KRT222: variants seen among roughly 807,000 people sequenced by gnomAD.
KRT222 encodes the protein keratin-like protein KRT222.
In KRT222, 23 loss-of-function variants were observed where a neutral mutation model predicts 35.0. That is an observed-to-expected ratio of 0.66 (90% CI 0.47 to 0.93). KRT222 has a LOEUF of 0.93. KRT222 is among the 40% of genes least tolerant of loss of function. The pLI is 0.00. For synonymous variants in KRT222, 108 were observed against 118.8 expected, an observed-to-expected ratio of 0.91 and a Z score of 0.59; for missense variants, 339 against 346.3, an observed-to-expected ratio of 0.98 and a Z score of 0.17.
chr17:40,662,019 A>T lies in KRT222; in HGVS notation c.122T>A (p.Met41Lys). Residue 41 changes from methionine to lysine, a missense_variant, in exon 2 of 6, where the codon ATG (methionine) becomes AAG (lysine). Met to Lys is a moderately conservative substitution (Grantham distance 95). Transcript: ENST00000394052. ...IQLEEDISKK[M>K]DKDEEALKAA... ...CTTCAAAGCCTCTTCATCTTTGTCC[A>T]TTTTTTTGCTTATGTCTTCTTCTAG... 1 of 1,613,894 alleles carries T rather than the reference A, an allele frequency of 6.2e-7. No individual in the cohort carries two copies.
rs980878777 is a variant in KRT222, at chr17:40,660,140, T to C, written c.293A>G (p.Glu98Gly). 4 of 1,614,176 alleles carry C rather than the reference T, an allele frequency of 2.5e-6. No individual in the cohort carries two copies. The Admixed American group carries it at 5.0e-5, about 20-fold the overall frequency. Residue 98 changes from glutamate to glycine, a missense_variant, in exon 3 of 6, where the codon GAG becomes GGG. Glu to Gly is a moderately conservative substitution (Grantham distance 98). Coordinates refer to ENST00000394052, the MANE Select transcript of KRT222 (RefSeq NM_152349.3). ...QHYQMQLQDL[E>G]TVIEGLEKEL... ...TTTTTCTAGTCCTTCAATCACAGTC[T>C]CTAGGTCTTGCAGCTGCATCTGGTA...
intron 3 of KRT222, among the ~76,000 whole-genome samples, chr17:40,658,450 A>T (rs1433779474): frequency 6.6e-6 from 1 of 151,746 alleles, no homozygotes; most frequent in Non-Finnish European, 1.5e-5. Context: ...TATATACATG[A>T]TATGTATACA....
intron 3 of KRT222, among the ~76,000 whole-genome samples, chr17:40,659,440 G>A (rs2037367954): frequency 6.6e-6 from 1 of 152,168 alleles, no homozygotes; most frequent in African/African-American, 2.4e-5. Flanking sequence ...CTCCCGAAGT[G>A]CTGAGATTAC....
chr17:40,662,199 A>G, intron 1 of KRT222, 155 bp from the exon 2 acceptor site: 2 of 811,768 alleles, frequency 2.5e-6, no homozygotes, highest in Non-Finnish European at 3.7e-6. Flanking sequence ...TGCCTAGTTA[A>G]CTAATTAAAT....
chr17:40,662,726 T>C (rs888696160), intron 1 of KRT222, among the ~76,000 whole-genome samples: 13 of 152,190 alleles, frequency 8.5e-5, no homozygotes, highest in African/African-American at 3.1e-4. Flanking sequence ...AATATTCTCC[T>C]ATTAAAAAAG....
At chr17:40,660,511 C>T (rs1024799686) in intron 2 of KRT222, among the ~76,000 whole-genome samples, 1 of 151,846 alleles carries the variant, frequency 6.6e-6, no homozygotes, top group African/African-American at 2.4e-5. Context: ...AAACTCCTGA[C>T]CCTGTGATCC....
Position 40,656,195 on chromosome 17 carries a change from C to G in KRT222, c.*207G>C. 1 of 435,186 alleles carries G rather than the reference C, an allele frequency of 2.3e-6. No individual in the cohort carries two copies. The allele number at this position is 435,186 out of a possible 1,614,324, so 27.0% of individuals were successfully genotyped here. A position where few individuals can be genotyped will look rare whatever the true frequency, so the allele number is the denominator to read the frequency against. On this transcript the variant is annotated 3_prime_UTR_variant, in exon 6 of 6. Coordinates refer to ENST00000394052, the MANE Select transcript of KRT222 (RefSeq NM_152349.3). ...ATTTTATTTTTAAGCTACTCCCTCT[C>G]ATTCATATATATATATATATGTCTA... is the stretch of plus-strand genomic sequence containing the variant.
At chr17:40,663,286 C>T (rs529498485) in intron 1 of KRT222, among the ~76,000 whole-genome samples, 17 of 152,174 alleles carry the variant, frequency 1.1e-4, no homozygotes, top group Non-Finnish European at 2.4e-4. Context: ...TCCCCTTCTA[C>T]ATTGACTCTG....
rs961911714 is a variant in KRT222 at position 40,654,730 on chromosome 17, T to G, written c.*1672A>C. On this transcript the variant is annotated 3_prime_UTR_variant, in exon 6 of 6. Coordinates refer to ENST00000394052, the MANE Select transcript of KRT222 (RefSeq NM_152349.3). ...AGTACAGTAACTTTAGTACAATAGC[T>G]TATATGATTGCATTTTTAAAGCTTT... The G allele has an allele frequency of 6.6e-6, 1 of 152,052 alleles. No homozygotes were observed. Among genetic ancestry groups the G allele is most frequent in the African/African-American group, 2.4e-5 (1 of 41,414 alleles). 9.4% of individuals were successfully genotyped at this position (152,052 alleles called of 1,614,324 possible). A position where few individuals can be genotyped will look rare whatever the true frequency, so the allele number is the denominator to read the frequency against.
At chr17:40,656,745 T>C in intron 5 of KRT222, 115 bp from the exon 6 acceptor site, 1 of 585,680 alleles carries the variant, frequency 1.7e-6, no homozygotes, top group Non-Finnish European at 3.0e-6. Flanking sequence ...TTATAGTGTA[T>C]AGAATTTATA....
At chr17:40,664,944 T>C (rs751590095) in intron 1 of KRT222, 60 bp downstream of exon 1, 2 of 1,610,932 alleles carry the variant, frequency 1.2e-6, no homozygotes, top group South Asian at 1.1e-5. Flanking sequence ...GGGACAGGAA[T>C]TGGGTAGACA....
Position 40,664,989 on chromosome 17 carries a change from G to C in KRT222, c.96+15C>G. ...TCCTTATTCTGGAAGGTGCCTGTCT[G>C]TATGAAATCATTACCTGGATCCTTG... On this transcript the variant is annotated intron_variant, in intron 1 of 5. Coordinates refer to ENST00000394052, the MANE Select transcript of KRT222 (RefSeq NM_152349.3). 6.2e-7 allele frequency: 1 copy of C among 1,613,856 alleles called. No individual in the cohort carries two copies. Among genetic ancestry groups the C allele is most frequent in the Non-Finnish European group, 8.5e-7 (1 of 1,179,946 alleles).
rs1355350999 is a variant in KRT222 at position 40,655,667 on chromosome 17, G to T, written c.*735C>A. 6.6e-6 allele frequency: 1 copy of T among 151,704 alleles called. No individual in the cohort carries two copies. Among genetic ancestry groups the T allele is most frequent in the African/African-American group, 2.4e-5 (1 of 41,348 alleles). 9.4% of individuals were successfully genotyped at this position (151,704 alleles called of 1,614,324 possible). ...GATTTTTTTTCTTTTTTTGGTGGGG[G>T]ATACAACCTTTAAAGTTCCTTGAGT... is the stretch of plus-strand genomic sequence containing the variant. On this transcript the variant is annotated 3_prime_UTR_variant, in exon 6 of 6. Coordinates refer to ENST00000394052, the MANE Select transcript of KRT222 (RefSeq NM_152349.3).
chr17:40,659,960 T>C (rs1179573562), intron 3 of KRT222, 27 bp downstream of exon 3: 1 of 1,589,392 alleles, frequency 6.3e-7, no homozygotes, highest in East Asian at 2.2e-5. Context: ...TCTGGCCCCT[T>C]GTCATTAACT....
chr17:40,660,670 T>G (rs772538703), intron 2 of KRT222, among the ~76,000 whole-genome samples: 2 of 152,116 alleles, frequency 1.3e-5, no homozygotes, highest in African/African-American at 2.4e-5. Flanking sequence ...CAGCTTTGTG[T>G]GACCCCTAAT....
At chr17:40,657,956 T>C (rs1258817272) in intron 3 of KRT222, among the ~76,000 whole-genome samples, 1 of 152,138 alleles carries the variant, frequency 6.6e-6, no homozygotes, top group African/African-American at 2.4e-5. Flanking sequence ...TTTTATAAAG[T>C]TTAGAATAAT....
At chr17:40,661,532 C>T (rs1349811078) in intron 2 of KRT222, among the ~76,000 whole-genome samples, 1 of 152,202 alleles carries the variant, frequency 6.6e-6, no homozygotes, top group Non-Finnish European at 1.5e-5. Context: ...TCCCAAAGTG[C>T]TGGGATTACA....
At chr17:40,660,277 TC>T in intron 2 of KRT222, 70 bp from the exon 3 acceptor site, 1 of 1,228,732 alleles carries the variant, frequency 8.1e-7, no homozygotes, top group Non-Finnish European at 1.2e-6. Flanking sequence ...ATTTGCAATA[TC>T]TTCATCTTTT....
intron 1 of KRT222, among the ~76,000 whole-genome samples, chr17:40,662,794 A>G (rs1311124911): frequency 2.0e-5 from 3 of 152,210 alleles, no homozygotes. Context: ...ATGAAAAGAA[A>G]GTATCTGTTG....
Sources: allele counts gnomAD v4.1 joint callset (sites outside exome capture counted in the v4.1 genomes callset), GRCh38; gene constraint gnomAD v4.1.1; transcripts MANE v1.5; gene names NCBI Gene and HGNC (gene_info 2026-07-23, HGNC 2026-07-21).